MAPRE2: variants seen among roughly 807,000 people sequenced by gnomAD.
MAPRE2 encodes the protein microtubule-associated protein RP/EB family member 2.
A neutral mutation model predicts 43.2 loss-of-function variants in MAPRE2; 13 were observed. That is an observed-to-expected ratio of 0.30 (90% CI 0.20 to 0.48). MAPRE2 has a LOEUF of 0.48. MAPRE2 is among the 20% of genes least tolerant of loss of function. The pLI is 0.99. For synonymous variants in MAPRE2, 135 were observed against 148.8 expected, an observed-to-expected ratio of 0.91 and a Z score of 0.68; for missense variants, 161 against 400.2, an observed-to-expected ratio of 0.40 and a Z score of 5.10.
intron 1 of MAPRE2, among the ~76,000 whole-genome samples, chr18:35,055,920 A>G (rs1603395359): frequency 6.6e-6 from 1 of 151,862 alleles, no homozygotes; most frequent in East Asian, 1.9e-4. Flanking sequence ...ATGCAACTGC[A>G]CTGCAGCCTG....
At chr18:35,040,160 GC>G (rs1405948419), upstream of MAPRE2, among the ~76,000 whole-genome samples, 1 of 152,144 alleles carries the variant, frequency 6.6e-6, no homozygotes, top group Non-Finnish European at 1.5e-5. Context: ...CTGAGATTGC[GC>G]CACTGCACTC....
At chr18:34,985,041 T>A (rs111219354) in intron 1 of MAPRE2, among the ~76,000 whole-genome samples, 1 of 51,706 alleles carries the variant, frequency 1.9e-5, no homozygotes, top group Non-Finnish European at 3.3e-5. Context: ...ATATATAATA[T>A]ATAAAATATA....
chr18:35,023,078 A>C (rs2097042939), intron 2 of MAPRE2, among the ~76,000 whole-genome samples: 1 of 152,240 alleles, frequency 6.6e-6, no homozygotes, highest in African/African-American at 2.4e-5. Context: ...CAGAAAAACT[A>C]AAAACAGAAA....
chr18:35,096,941 A>G lies in MAPRE2; in HGVS notation c.251-505A>G, dbSNP rs184867443. 5.6e-3 allele frequency among the ~76,000 whole-genome samples: 860 copies of G among 152,346 alleles called. 10 individuals carry two copies. Among genetic ancestry groups the G allele is most frequent in the African/African-American group, 0.02 (817 of 41,582 alleles). On this transcript the variant is annotated intron_variant, in intron 2 of 6. Coordinates refer to ENST00000300249, the MANE Select transcript of MAPRE2 (RefSeq NM_014268.4). ...GTGGTATTTTGTAAATACCACAGCT[A>G]TAGATAGAAAACAGCTTGAGCATAT...
At position 35,041,457 on chromosome 18, in the gene MAPRE2, G is replaced by A; in HGVS notation, c.-83G>A. ...AGGCGGCAGGCACGGTCCGTGCGGA[G>A]CAGGCGAGCGAGCGGGAAGACGCAG... is the stretch of plus-strand genomic sequence containing the variant. On this transcript the variant is annotated 5_prime_UTR_variant, in exon 1 of 7. Coordinates refer to ENST00000300249, the MANE Select transcript of MAPRE2 (RefSeq NM_014268.4). 1 of 1,608,638 alleles carries A rather than the reference G, an allele frequency of 6.2e-7. No homozygotes were observed. Among genetic ancestry groups the A allele is most frequent in the East Asian group, 2.2e-5 (1 of 44,838 alleles).
At position 35,030,130 on chromosome 18, in the gene MAPRE2, C is replaced by T. The variant is rs528713524; in HGVS notation, c.-8+24577C>T. On this transcript the variant is annotated intron_variant, in intron 2 of 7. Transcript: ENST00000413393. ...AAATCCTAGCATTTCTTCCTCCTTC[C>T]CCCTCCCTTTTTCTTAACCATAATT... is the stretch of plus-strand genomic sequence containing the variant. Among the ~76,000 whole-genome samples, 5 of 152,178 alleles carry T rather than the reference C, an allele frequency of 3.3e-5. No homozygotes were observed. In the South Asian group the frequency reaches 8.3e-4, roughly 25 times the overall value.
At chr18:35,139,302 G>A (rs1244883486) in intron 6 of MAPRE2, among the ~76,000 whole-genome samples, 1 of 152,202 alleles carries the variant, frequency 6.6e-6, no homozygotes, top group Non-Finnish European at 1.5e-5. Context: ...GCTCCAGACT[G>A]CATCACAGAA....
rs1910693878 is a variant in MAPRE2, at chr18:35,142,325, C to T, written c.*1956C>T. 1 of 152,310 alleles carries T rather than the reference C, an allele frequency of 6.6e-6. No homozygotes were observed. The highest frequency in any genetic ancestry group is 2.4e-5 in the African/African-American group (1 of 41,472). The allele number at this position is 152,310 out of a possible 1,614,324, so 9.4% of individuals were successfully genotyped here. ...ATACTGCAGTGGTTCCTAGGCCATTCTTCATCTGCTCTGGACATCTCAGTC... is the reference window on the plus strand; with the variant it reads ...ATACTGCAGTGGTTCCTAGGCCATTTTTCATCTGCTCTGGACATCTCAGTC... On this transcript the variant is annotated 3_prime_UTR_variant, in exon 7 of 7. Transcript: ENST00000300249.
At chr18:35,126,433 G>C (rs894303831) in intron 4 of MAPRE2, among the ~76,000 whole-genome samples, 4 of 152,186 alleles carry the variant, frequency 2.6e-5, no homozygotes, top group African/African-American at 9.7e-5. Flanking sequence ...CAAAGTTTGG[G>C]CATCAGGAGT....
chr18:35,046,287 A>C (rs549256559), intron 1 of MAPRE2, among the ~76,000 whole-genome samples: 1 of 152,234 alleles, frequency 6.6e-6, no homozygotes, highest in South Asian at 2.1e-4. Context: ...CCGATGGAAA[A>C]CCGCTCATTT....
intron 2 of MAPRE2, among the ~76,000 whole-genome samples, chr18:35,088,679 A>G (rs938529009): frequency 1.3e-5 from 2 of 152,236 alleles, no homozygotes; most frequent in Non-Finnish European, 2.9e-5. Flanking sequence ...GACTTCCAGG[A>G]CACTGGCAAT....
rs566448688 is a variant in MAPRE2 at position 35,103,027 on chromosome 18, A to G, written c.610+868A>G. Among the ~76,000 whole-genome samples, 8 of 151,522 alleles carry G rather than the reference A, an allele frequency of 5.3e-5. No individual in the cohort carries two copies. In the South Asian group the frequency reaches 6.2e-4, roughly 12 times the overall value. On this transcript the variant is annotated intron_variant, in intron 4 of 6. Coordinates refer to ENST00000300249, the MANE Select transcript of MAPRE2 (RefSeq NM_014268.4). ...GTAGAAATGGTTAACAGGACCACAT[A>G]GGTGGTAAGAGCTTTGAAATCACAG...
intron 2 of MAPRE2, among the ~76,000 whole-genome samples, chr18:35,013,503 T>TGGATACTTAGCA (rs2097036150): frequency 6.6e-6 from 1 of 152,200 alleles, no homozygotes; most frequent in Non-Finnish European, 1.5e-5. Flanking sequence ...TGTAAAATAT[T>TGGATACTTAGCA]TATAATTTCT....
chr18:35,050,757 A>G (rs1905897197), intron 1 of MAPRE2, among the ~76,000 whole-genome samples: 1 of 152,046 alleles, frequency 6.6e-6, no homozygotes, highest in African/African-American at 2.4e-5. Context: ...CTCCCACCTT[A>G]GGGAACTTAA....
At chr18:35,117,902 A>G (rs913484228) in intron 4 of MAPRE2, among the ~76,000 whole-genome samples, 1 of 152,156 alleles carries the variant, frequency 6.6e-6, no homozygotes, top group Non-Finnish European at 1.5e-5. Context: ...AATTTTTAAT[A>G]CTTGAGCCAT....
chr18:35,110,011 G>C (rs1909107152), intron 4 of MAPRE2, among the ~76,000 whole-genome samples: 1 of 151,884 alleles, frequency 6.6e-6, no homozygotes, highest in Admixed American at 6.6e-5. Flanking sequence ...TTTTTTAGGG[G>C]TTGCTCTAAG....
chr18:35,005,513 A>G, exon 2 of MAPRE2: 1 of 1,543,288 alleles, frequency 6.5e-7, no homozygotes, highest in East Asian at 2.5e-5. Flanking sequence ...CCAGAGGAAC[A>G]GTTCATTTCA....
chr18:35,110,037 T>C (rs1268879397), intron 4 of MAPRE2, among the ~76,000 whole-genome samples: 1 of 152,146 alleles, frequency 6.6e-6, no homozygotes, highest in Non-Finnish European at 1.5e-5. Flanking sequence ...CAATATATAT[T>C]CTTGTTTTTT....
intron 4 of MAPRE2, among the ~76,000 whole-genome samples, chr18:35,120,259 C>G (rs1180276649): frequency 6.6e-6 from 1 of 152,190 alleles, no homozygotes; most frequent in East Asian, 1.9e-4. Context: ...CTGTGTGGAG[C>G]TGCCCCTAGC....
Sources: gnomAD v4.1 joint callset for allele counts (sites outside exome capture counted in the v4.1 genomes callset) on GRCh38, gnomAD v4.1.1 for gene constraint, MANE v1.5 for transcripts, NCBI Gene and HGNC (gene_info 2026-07-23, HGNC 2026-07-21) for gene names.